The following CNTN2 variants were observed in gnomAD, a reference collection of about 807,000 sequenced individuals.
CNTN2 encodes the protein contactin 2, also known as contactin-2.
In CNTN2, 53 loss-of-function variants were observed where a neutral mutation model predicts 117.5. That is an observed-to-expected ratio of 0.45 (90% CI 0.36 to 0.57). The LOEUF is 0.57. Among genes scored for constraint, CNTN2 ranks in the 20% least tolerant of loss-of-function variants. CNTN2 has a pLI of 0.00. For missense variants in CNTN2, 1,106 were observed against 1,404.3 expected (o/e 0.79, Z 3.39); for synonymous variants, 530 against 561.7 (o/e 0.94, Z 0.80).
intron 2 of CNTN2, among the ~76,000 whole-genome samples, chr1:205,055,874 T>C (rs1408865436): frequency 1.3e-5 from 2 of 152,216 alleles, no homozygotes; most frequent in African/African-American, 2.4e-5. Context: ...GGATAAATAG[T>C]AAGCAGTCCG....
intron 10 of CNTN2, 144 bp downstream of exon 10, chr1:205,062,713 A>T (rs1405192566): frequency 2.1e-6 from 2 of 945,250 alleles, no homozygotes; most frequent in Non-Finnish European, 1.5e-6. Flanking sequence ...AAGTAGGAGA[A>T]CTCAGAGATT....
At position 205,061,111 on chromosome 1, in the gene CNTN2, G is replaced by T; in HGVS notation, c.798-134G>T. On this transcript the variant is annotated intron_variant, in intron 7 of 22. Transcript: ENST00000331830. The surrounding 1 kb of genome is among the most constrained non-coding windows in gnomAD (Gnocchi z 4.8). Reference sequence around the variant, plus strand: ...GAGGAGAGTGAGGATCAGCCAGAAGGCACCCTCTCTCCCTCTGTTCCTCCC... The same window carrying T: ...GAGGAGAGTGAGGATCAGCCAGAAGTCACCCTCTCTCCCTCTGTTCCTCCC... The T allele has an allele frequency of 1.0e-6, 1 of 978,226 alleles. No individual in the cohort carries two copies. The highest frequency in any genetic ancestry group is 1.5e-6 in the Non-Finnish European group (1 of 679,040). The allele number at this position is 978,226 out of a possible 1,614,324, so 60.6% of individuals were successfully genotyped here. A position where few individuals can be genotyped will look rare whatever the true frequency, so the allele number is the denominator to read the frequency against.
Position 205,065,899 on chromosome 1 carries a change from C to A in CNTN2, c.1806C>A (p.Val602=). Residue 602 remains valine, a synonymous_variant, in exon 14 of 23, where the codon GTC becomes GTA. Coordinates refer to ENST00000331830, the MANE Select transcript of CNTN2 (RefSeq NM_005076.5). This position sits in a 1 kb window ranked among gnomAD's most constrained non-coding sequence, Gnocchi z 4.1. ...ACAGCGCGTCCAAGGAGGCCACAGT[C>A]CTGGTCCGAGGTGAGGGGTTTCCCA... ...VVDSASKEAT[V]LVRGPPGPPG... 6.2e-7 allele frequency: 1 copy of A among 1,612,462 alleles called. No homozygotes were observed. The highest frequency in any genetic ancestry group is 8.5e-7 in the Non-Finnish European group (1 of 1,179,122).
Position 205,061,177 on chromosome 1 carries a change from G to A in CNTN2, c.798-68G>A. The stretch of plus-strand genomic sequence containing the variant: ...GGAGGGCCTGAGAGTCTGGGTATGA[G>A]GAGCTGCGGGCACTGGAGGGGTAGG... On this transcript the variant is annotated intron_variant, in intron 7 of 22. Coordinates refer to ENST00000331830, the MANE Select transcript of CNTN2 (RefSeq NM_005076.5). This position sits in a 1 kb window ranked among gnomAD's most constrained non-coding sequence, Gnocchi z 4.8. The A allele has an allele frequency of 6.6e-7, 1 of 1,508,100 alleles. No individual in the cohort carries two copies. Among genetic ancestry groups the A allele is most frequent in the African/African-American group, 1.4e-5 (1 of 72,270 alleles). The allele number at this position is 1,508,100 out of a possible 1,614,324, so 93.4% of individuals were successfully genotyped here. A position where few individuals can be genotyped will look rare whatever the true frequency, so the allele number is the denominator to read the frequency against.
chr1:205,067,535 C>T (rs565881563), intron 16 of CNTN2: 4 of 299,776 alleles, frequency 1.3e-5, no homozygotes, highest in South Asian at 6.6e-5. Flanking sequence ...AACCAAAGTT[C>T]GGAGAAAGGA....
In CNTN2 at chr1:205,059,696, G is replaced by A; in HGVS notation, c.797+14G>A. On this transcript the variant is annotated intron_variant, in intron 7 of 22. Transcript: ENST00000331830. The surrounding 1 kb of genome is among the most constrained non-coding windows in gnomAD (Gnocchi z 5.6). The stretch of plus-strand genomic sequence containing the variant: ...CGCCTTTGGGAAGTGAGTGTGAAGA[G>A]GGAGGGGAAGCAGAGCACGGTCTCT... 1 of 1,574,560 alleles carries A rather than the reference G, an allele frequency of 6.4e-7. No individual in the cohort carries two copies. Among genetic ancestry groups the A allele is most frequent in the Non-Finnish European group, 8.6e-7 (1 of 1,160,536 alleles).
chr1:205,069,411 C>G, intron 16 of CNTN2, 80 bp from the exon 17 acceptor site: 2 of 1,422,298 alleles, frequency 1.4e-6, no homozygotes, highest in Non-Finnish European at 2.0e-6. Context: ...TCTTACGGTG[C>G]TCTACAGGCA....
At chr1:205,062,336 G>A (rs1654034032) in intron 9 of CNTN2, 104 bp from the exon 10 acceptor site, 1 of 1,431,658 alleles carries the variant, frequency 7.0e-7, no homozygotes, top group East Asian at 2.3e-5. Flanking sequence ...ATATCCTCTA[G>A]GGATTATCAG....
In CNTN2 at chr1:205,061,837, C is replaced by A. The variant is rs775422190; in HGVS notation, c.974-28C>A. ...AGCTGGAAGCTCCTCCTAGCTCATG[C>A]CAGGTTTTCTTTTCCGGGCTCCCAC... On this transcript the variant is annotated intron_variant, in intron 8 of 22. Transcript: ENST00000331830. This position sits in a 1 kb window ranked among gnomAD's most constrained non-coding sequence, Gnocchi z 4.8. 6.0e-6 allele frequency: 9 copies of A among 1,503,034 alleles called. No homozygotes were observed. Among genetic ancestry groups the A allele is most frequent in the Non-Finnish European group, 8.0e-6 (9 of 1,125,606 alleles). 93.1% of individuals were successfully genotyped at this position (1,503,034 alleles called of 1,614,324 possible). A position where few individuals can be genotyped will look rare whatever the true frequency, so the allele number is the denominator to read the frequency against.
rs1654742556 is a variant in CNTN2 at position 205,074,100 on chromosome 1, T to C, written c.*335T>C. On this transcript the variant is annotated 3_prime_UTR_variant, in exon 23 of 23. Coordinates refer to ENST00000331830, the MANE Select transcript of CNTN2 (RefSeq NM_005076.5). ...AAACATGTCTTCAACTCAGCAGAGATGGCCCTCTGGGACCCTATACGGACT... is the reference window on the plus strand; with the variant it reads ...AAACATGTCTTCAACTCAGCAGAGACGGCCCTCTGGGACCCTATACGGACT... The C allele has an allele frequency of 3.6e-6, 2 of 556,932 alleles. No homozygotes were observed. Among genetic ancestry groups the C allele is most frequent in the African/African-American group, 1.9e-5 (1 of 53,444 alleles). 34.5% of individuals were successfully genotyped at this position (556,932 alleles called of 1,614,324 possible). A position where few individuals can be genotyped will look rare whatever the true frequency, so the allele number is the denominator to read the frequency against.
Position 205,067,284 on chromosome 1 carries a change from C to G in CNTN2, c.2125+34C>G, listed in dbSNP as rs79952847. 4,148 of 1,598,120 alleles carry G rather than the reference C, an allele frequency of 2.6e-3. 83 individuals are homozygous for G. The African/African-American group carries it at 0.04, about 15-fold the overall frequency. ...CCTGTGTGTCCCAAAAAGCTATCAT[C>G]AGGGCAGAGACCCTGGCACCACTTA... is the stretch of plus-strand genomic sequence containing the variant. On this transcript the variant is annotated intron_variant, in intron 16 of 22. Transcript: ENST00000331830.
chr1:205,050,377 C>T (rs890315175), intron 1 of CNTN2, among the ~76,000 whole-genome samples: 2 of 151,916 alleles, frequency 1.3e-5, no homozygotes, highest in African/African-American at 4.8e-5. Flanking sequence ...GACCTGTCAA[C>T]CCTATCAAGT....
rs750911345 is a variant in CNTN2, at chr1:205,058,707, G to A, written c.487+44G>A. 21 of 1,485,608 alleles carry A rather than the reference G, an allele frequency of 1.4e-5. No homozygotes were observed. In the African/African-American group the frequency reaches 2.6e-4, roughly 19 times the overall value. 92.0% of individuals were successfully genotyped at this position (1,485,608 alleles called of 1,614,324 possible). A position where few individuals can be genotyped will look rare whatever the true frequency, so the allele number is the denominator to read the frequency against. The stretch of plus-strand genomic sequence containing the variant: ...CCAGGGTTAGAGAGGGCACAGGAAG[G>A]GCTTCCAGATGCTTGGCAGAGGAAG... On this transcript the variant is annotated intron_variant, in intron 5 of 22. Transcript: ENST00000331830. The surrounding 1 kb of genome is among the most constrained non-coding windows in gnomAD (Gnocchi z 4.3).
At chr1:205,045,260 G>A (rs974389687) in intron 1 of CNTN2, among the ~76,000 whole-genome samples, 8 of 151,866 alleles carry the variant, frequency 5.3e-5, no homozygotes, top group Non-Finnish European at 1.2e-4. Context: ...CTCTCATCGC[G>A]TGTACTCCAC....
chr1:205,055,579 C>T (rs1403306832), intron 2 of CNTN2, among the ~76,000 whole-genome samples: 1 of 152,176 alleles, frequency 6.6e-6, no homozygotes, highest in Admixed American at 6.5e-5. Context: ...GTCTCCTGAG[C>T]CTCACTCCAA....
chr1:205,046,644 G>C (rs2096442015), intron 1 of CNTN2, among the ~76,000 whole-genome samples: 1 of 152,322 alleles, frequency 6.6e-6, no homozygotes. Flanking sequence ...ACTGGGGGGA[G>C]CCTCCTTGCA....
rs562979929 is a variant in CNTN2, at chr1:205,048,186, C to T, written c.-87+4792C>T. 3.9e-5 allele frequency among the ~76,000 whole-genome samples: 6 copies of T among 152,314 alleles called. No homozygotes were observed. Among genetic ancestry groups the T allele is most frequent in the South Asian group, 2.1e-4 (1 of 4,828 alleles). On this transcript the variant is annotated intron_variant, in intron 1 of 22. Coordinates refer to ENST00000331830, the MANE Select transcript of CNTN2 (RefSeq NM_005076.5). The surrounding 1 kb of genome is among the most constrained non-coding windows in gnomAD (Gnocchi z 4.1). ...AGTTGCCAAATCTCTCATTGCTCTC[C>T]AATCTCCATTACTGGGGAGAAGGGG... is the stretch of plus-strand genomic sequence containing the variant.
At chr1:205,047,598 T>C (rs2096443883) in intron 1 of CNTN2, among the ~76,000 whole-genome samples, 2 of 152,144 alleles carry the variant, frequency 1.3e-5, no homozygotes, top group Non-Finnish European at 2.9e-5. Flanking sequence ...TGCCCTAGTC[T>C]GGGGTGCTGT....
intron 16 of CNTN2, 135 bp from the exon 17 acceptor site, chr1:205,069,356 G>C (rs1321412075): frequency 1.4e-6 from 1 of 703,224 alleles, no homozygotes; most frequent in African/African-American, 1.8e-5. Flanking sequence ...ATGTTCAGAG[G>C]GACCACTGGG....
Sources: allele counts gnomAD v4.1 joint callset (sites outside exome capture counted in the v4.1 genomes callset), GRCh38; gene constraint gnomAD v4.1.1; non-coding constraint Gnocchi (gnomAD v3.1); transcripts MANE v1.5; gene names NCBI Gene and HGNC (gene_info 2026-07-23, HGNC 2026-07-21).